CHIA: variants seen among roughly 807,000 people sequenced by gnomAD.
The protein encoded by CHIA is chitinase acidic.
A neutral mutation model predicts 53.5 loss-of-function variants in CHIA; 47 were observed. The observed-to-expected ratio is 0.88, with a 90% CI of 0.70 to 1.12. CHIA has a LOEUF of 1.12. Ranked by LOEUF, CHIA falls within the 50% of genes most tolerant of loss-of-function variation. The pLI is 0.00. For missense variants in CHIA, 652 were observed against 592.2 expected (o/e 1.10, Z -1.05); for synonymous variants, 268 against 222.2 (o/e 1.21, Z -1.83).
At chr1:111,301,721 A>AG (rs1260015619) in intron 1 of CHIA, among the ~76,000 whole-genome samples, 18 of 151,872 alleles carry the variant, frequency 1.2e-4, no homozygotes, top group African/African-American at 3.4e-4. Flanking sequence ...AAAAAAAAAA[A>AG]AAAAAGATGA....
intron 4 of CHIA, among the ~76,000 whole-genome samples, chr1:111,313,949 C>CT (rs1278627618): frequency 6.6e-6 from 1 of 152,138 alleles, no homozygotes; most frequent in East Asian, 1.9e-4. Context: ...GGCAGTGTTT[C>CT]TTGAAGTGTG....
chr1:111,294,513 C>T (rs7411387), intron 1 of CHIA, among the ~76,000 whole-genome samples: 95,386 of 151,882 alleles, frequency 0.63, 30,189 homozygotes, highest in African/African-American at 0.68. Flanking sequence ...ACAATTTTAC[C>T]ACTTCCTTCC....
intron 1 of CHIA, among the ~76,000 whole-genome samples, chr1:111,302,781 GT>G (rs1647864327): frequency 4.6e-5 from 7 of 152,052 alleles, no homozygotes; most frequent in Admixed American, 4.6e-4. Context: ...TTATTATGTT[GT>G]TTAGGTCCTC....
At chr1:111,301,726 A>C (rs12735944) in intron 1 of CHIA, among the ~76,000 whole-genome samples, 1 of 149,282 alleles carries the variant, frequency 6.7e-6, no homozygotes, top group Non-Finnish European at 1.5e-5. Context: ...AAAAAAAAAA[A>C]GATGAGTTCC....
At position 111,319,236 on chromosome 1, in the gene CHIA, T is replaced by C. The variant is rs1204301778; in HGVS notation, c.1032T>C (p.Ile344=). The change falls in exon 10 of 12, where the codon ATT becomes ATC. Residue 344 remains isoleucine (I), a synonymous_variant. Coordinates refer to ENST00000369740, the MANE Select transcript of CHIA (RefSeq NM_201653.4). ...VGYDNIKSFD[I]KAQWLKHNKF... Reference sequence around the variant, plus strand: ...ATGACAACATCAAGAGCTTCGATATTAAGGTAAGATCAGTCCCTTAAATGT... The same window carrying C: ...ATGACAACATCAAGAGCTTCGATATCAAGGTAAGATCAGTCCCTTAAATGT... 1 of 1,614,194 alleles carries C rather than the reference T, an allele frequency of 6.2e-7. No individual in the cohort carries two copies.
Position 111,294,874 on chromosome 1 carries a change from A to G in CHIA, c.-69+3924A>G, listed in dbSNP as rs1425520930. Among the ~76,000 whole-genome samples the G allele has an allele frequency of 4.6e-5, 7 of 152,276 alleles. No homozygotes were observed. In the East Asian group the frequency reaches 1.4e-3, roughly 29 times the overall value. ...TAAGTTAAATCATTTCTTGCATTCAATGAATAAATCCCTCGTGAACACAGT... is the reference window on the plus strand; with the variant it reads ...TAAGTTAAATCATTTCTTGCATTCAGTGAATAAATCCCTCGTGAACACAGT... On this transcript the variant is annotated intron_variant, in intron 1 of 11. Coordinates refer to ENST00000369740, the MANE Select transcript of CHIA (RefSeq NM_201653.4).
intron 1 of CHIA, among the ~76,000 whole-genome samples, chr1:111,309,128 G>C (rs1321490781): frequency 1.3e-5 from 2 of 152,174 alleles, no homozygotes; most frequent in African/African-American, 2.4e-5. Flanking sequence ...CATGGCACAT[G>C]TTTACCTATG....
chr1:111,312,453 C>A, intron 4 of CHIA, 62 bp downstream of exon 4: 1 of 1,308,068 alleles, frequency 7.6e-7, no homozygotes, highest in Non-Finnish European at 1.1e-6. Context: ...AACATTAATG[C>A]TTCTTAAAAT....
At chr1:111,317,484 C>G (rs1029497662) in intron 6 of CHIA, 197 bp from the exon 7 acceptor site, 1 of 565,564 alleles carries the variant, frequency 1.8e-6, no homozygotes, top group African/African-American at 1.9e-5. Flanking sequence ...AACTCTTATG[C>G]ATATTAGATA....
At chr1:111,298,957 C>A (rs1057081603) in intron 1 of CHIA, among the ~76,000 whole-genome samples, 3 of 152,132 alleles carry the variant, frequency 2.0e-5, no homozygotes, top group Non-Finnish European at 2.9e-5. Context: ...ATATTATAAA[C>A]ACCTCTACAC....
rs77546229 is a variant in CHIA, at chr1:111,319,642, T to C, written c.1177+174T>C. 6.3e-3 allele frequency among the ~76,000 whole-genome samples: 966 copies of C among 152,292 alleles called. 8 individuals are homozygous for C. The highest frequency in any genetic ancestry group is 0.022 in the African/African-American group (904 of 41,562). ...CCCTTGAACGGCCATGTCAGGAACATTGTGCACTTATGGGAAGCCAGGCCT... is the reference window on the plus strand; with the variant it reads ...CCCTTGAACGGCCATGTCAGGAACACTGTGCACTTATGGGAAGCCAGGCCT... On this transcript the variant is annotated intron_variant, in intron 11 of 11. Transcript: ENST00000369740.
chr1:111,318,056 A>T lies in CHIA; in HGVS notation c.676A>T (p.Ser226Cys). The part of the protein sequence containing the change: ...GSWEGYTGEN[S>C]PLYKYPTDTG... ...CTGGGAGGGCTACACTGGAGAGAACAGCCCCCTCTACAAATACCCGACTGA... is the reference window on the plus strand; with the variant it reads ...CTGGGAGGGCTACACTGGAGAGAACTGCCCCCTCTACAAATACCCGACTGA... Residue 226 changes from serine to cysteine, a missense_variant, in exon 8 of 12, where the codon AGC becomes TGC. Transcript: ENST00000369740. The T allele has an allele frequency of 3.1e-6, 5 of 1,613,994 alleles. No homozygotes were observed. The highest frequency in any genetic ancestry group is 4.2e-6 in the Non-Finnish European group (5 of 1,179,848).
chr1:111,298,155 A>G (rs751426619), intron 1 of CHIA, among the ~76,000 whole-genome samples: 28 of 152,210 alleles, frequency 1.8e-4, no homozygotes, highest in Non-Finnish European at 3.1e-4. Context: ...GGAGACTTTA[A>G]CAACCCACTG....
At position 111,320,530 on chromosome 1, in the gene CHIA, C is replaced by T; in HGVS notation, c.*64C>T. 6.8e-7 allele frequency: 1 copy of T among 1,470,812 alleles called. No homozygotes were observed. The highest frequency in any genetic ancestry group is 9.4e-7 in the Non-Finnish European group (1 of 1,062,280). 91.1% of individuals were successfully genotyped at this position (1,470,812 alleles called of 1,614,324 possible). A position where few individuals can be genotyped will look rare whatever the true frequency, so the allele number is the denominator to read the frequency against. ...TTTGCTTAGGACATGTTGCCCCTACCTAAAGTCCTGCAATAAAATCAGCAG... is the reference window on the plus strand; with the variant it reads ...TTTGCTTAGGACATGTTGCCCCTACTTAAAGTCCTGCAATAAAATCAGCAG... On this transcript the variant is annotated 3_prime_UTR_variant, in exon 12 of 12. Transcript: ENST00000369740.
chr1:111,305,071 TG>T (rs1648069512), intron 1 of CHIA, among the ~76,000 whole-genome samples: 1 of 152,172 alleles, frequency 6.6e-6, no homozygotes, highest in African/African-American at 2.4e-5. Flanking sequence ...TTTGGGGTTT[TG>T]TTTTGTTGTT....
chr1:111,314,480 T>C (rs1192122088), intron 4 of CHIA, 60 bp from the exon 5 acceptor site: 1 of 1,191,576 alleles, frequency 8.4e-7, no homozygotes, highest in African/African-American at 1.5e-5. Flanking sequence ...AAGCAATGTA[T>C]TTTAAATGGA....
intron 1 of CHIA, among the ~76,000 whole-genome samples, chr1:111,291,628 G>C (rs150434041): frequency 6.6e-6 from 1 of 152,008 alleles, no homozygotes; most frequent in African/African-American, 2.4e-5. Flanking sequence ...GTATACCTAT[G>C]TAACAAACCT....
At chr1:111,296,590 G>A (rs1265147275) in intron 1 of CHIA, among the ~76,000 whole-genome samples, 3 of 152,110 alleles carry the variant, frequency 2.0e-5, no homozygotes, top group African/African-American at 7.2e-5. Context: ...AAAGACCAAA[G>A]GTAGATAAAA....
At chr1:111,319,283 C>A in intron 10 of CHIA, 44 bp downstream of exon 10, 1 of 1,614,036 alleles carries the variant, frequency 6.2e-7, no homozygotes. Flanking sequence ...AGCCCTGAGT[C>A]CCAGGAAAGC....
Sources: allele counts gnomAD v4.1 joint callset (sites outside exome capture counted in the v4.1 genomes callset), GRCh38; gene constraint gnomAD v4.1.1; transcripts MANE v1.5; gene names NCBI Gene and HGNC (gene_info 2026-07-23, HGNC 2026-07-21).